Variants in BTBD19 observed in about 807,000 individuals in gnomAD.
BTBD19 encodes BTB domain containing 19, also known as BTB/POZ domain-containing protein 19.
BTBD19 carries 20 observed loss-of-function variants against 36.1 expected under a neutral mutation model. The ratio of observed to expected loss-of-function variants is 0.55; its 90% confidence interval spans 0.39 to 0.80. The LOEUF (loss-of-function observed/expected upper bound fraction) is 0.80. Ranked by LOEUF, BTBD19 falls within the 30% of genes least tolerant of loss-of-function variation. The pLI is 0.00. For synonymous variants in BTBD19, 157 were observed against 174.3 expected, an observed-to-expected ratio of 0.90 and a Z score of 0.78; for missense variants, 325 against 389.8, an observed-to-expected ratio of 0.83 and a Z score of 1.40.
Position 44,813,704 on chromosome 1 carries a change from C to G in BTBD19, c.808C>G (p.Pro270Ala), listed in dbSNP as rs1233523662. Residue 270 changes from proline to alanine, a missense_variant, in exon 8 of 8, where the codon CCG becomes GCG. Pro to Ala is a conservative substitution (Grantham distance 27). Transcript: ENST00000450269. The surrounding 1 kb of genome is among the most constrained non-coding windows in gnomAD (Gnocchi z 7.8). The stretch of plus-strand genomic sequence containing the variant: ...GAGAGGGGATGAGGCCCGGGGCGCC[C>G]CGTGTCGCCGCCGGAGAGGCACCCT... 7 of 1,551,322 alleles carry G rather than the reference C, an allele frequency of 4.5e-6. No homozygotes were observed. The highest frequency in any genetic ancestry group is 5.2e-6 in the Non-Finnish European group (6 of 1,146,858).
chr1:44,814,158 CTTTCTTT>C, downstream of BTBD19: 1 of 121,602 alleles, frequency 8.2e-6, no homozygotes, highest in Non-Finnish European at 1.6e-5. Context: ...CTCTTTCTTT[CTTTCTTT>C]CTTTCTTTCT....
At position 44,813,060 on chromosome 1, in the gene BTBD19, G is replaced by A; in HGVS notation, c.479G>A (p.Ser160Asn). 1.3e-6 allele frequency: 2 copies of A among 1,551,270 alleles called. No homozygotes were observed. Among genetic ancestry groups the A allele is most frequent in the Non-Finnish European group, 1.7e-6 (2 of 1,146,682 alleles). The change falls in exon 5 of 8, where the codon AGC (serine) becomes AAC (asparagine). Residue 160 changes from serine to asparagine, a missense_variant. By Grantham distance (46) the Ser-to-Asn change is conservative. Transcript: ENST00000450269. The surrounding 1 kb of genome is among the most constrained non-coding windows in gnomAD (Gnocchi z 7.8). ...TGCGTGGCTTTCATAGAGGCCCACA[G>A]CCAGGTACTGCTCCCTTCATACTCC...
chr1:44,808,931 G>GT, intron 1 of BTBD19, 25 bp downstream of exon 1: 1 of 1,511,606 alleles, frequency 6.6e-7, no homozygotes, highest in African/African-American at 1.4e-5. Flanking sequence ...CTGCCTGCGG[G>GT]TTTTTCTTAG....
At chr1:44,812,501 C>A (rs1652465206) in intron 4 of BTBD19, 2 of 453,208 alleles carry the variant, frequency 4.4e-6, no homozygotes, top group Admixed American at 4.7e-5. Flanking sequence ...GTCAGGAGAT[C>A]GAGACCATCC....
chr1:44,810,136 A>C lies in BTBD19; in HGVS notation c.87-77A>C, dbSNP rs560715225. The C allele has an allele frequency of 1.6e-5, 21 of 1,290,614 alleles. No individual in the cohort carries two copies. In the African/African-American group the frequency reaches 2.9e-4, roughly 18 times the overall value. The allele number at this position is 1,290,614 out of a possible 1,614,324, so 79.9% of individuals were successfully genotyped here. On this transcript the variant is annotated intron_variant, in intron 1 of 7. Coordinates refer to ENST00000450269, the Ensembl canonical transcript of BTBD19. The surrounding 1 kb of genome is among the most constrained non-coding windows in gnomAD (Gnocchi z 4.2). The stretch of plus-strand genomic sequence containing the variant: ...TTCTGGTTAGGAAACTAAGACCCAG[A>C]GTGGGCAAAGGCACAGCCCAAGTTG...
At position 44,813,305 on chromosome 1, in the gene BTBD19, G is replaced by A; in HGVS notation, c.615+36G>A. 5.9e-6 allele frequency: 9 copies of A among 1,538,164 alleles called. No homozygotes were observed. The highest frequency in any genetic ancestry group is 7.9e-6 in the Non-Finnish European group (9 of 1,145,378). ...CTGGGGGAGCGCAAGGGCACGGAAGGAGGTGCTGGCCACGAGACTGGTGAG... is the reference window on the plus strand; with the variant it reads ...CTGGGGGAGCGCAAGGGCACGGAAGAAGGTGCTGGCCACGAGACTGGTGAG... On this transcript the variant is annotated intron_variant, in intron 6 of 7. Coordinates refer to ENST00000450269, the Ensembl canonical transcript of BTBD19. The surrounding 1 kb of genome is among the most constrained non-coding windows in gnomAD (Gnocchi z 7.8).
chr1:44,812,866 T>C (rs1652488851), intron 4 of BTBD19, 130 bp from the exon 5 acceptor site: 2 of 714,088 alleles, frequency 2.8e-6, no homozygotes, highest in Non-Finnish European at 4.5e-6. Flanking sequence ...TCTAGTTTCC[T>C]GGAGGGCTGA....
In BTBD19 at chr1:44,813,783, G is replaced by A. The variant is rs762061356; in HGVS notation, c.*11G>A. 23 of 1,551,256 alleles carry A rather than the reference G, an allele frequency of 1.5e-5. No individual in the cohort carries two copies. Among genetic ancestry groups the A allele is most frequent in the Non-Finnish European group, 2.0e-5 (23 of 1,146,810 alleles). ...CTGTCCTTCAAATGATCCAACGCCG[G>A]GACTCGCAGGGAGCCCTCGACCCGC... On this transcript the variant is annotated 3_prime_UTR_variant, in exon 8 of 8. Coordinates refer to ENST00000450269, the Ensembl canonical transcript of BTBD19. The surrounding 1 kb of genome is among the most constrained non-coding windows in gnomAD (Gnocchi z 7.8).
At chr1:44,811,255 A>AAGC (rs974197321) in intron 3 of BTBD19, among the ~76,000 whole-genome samples, 3 of 150,784 alleles carry the variant, frequency 2.0e-5, no homozygotes, top group Non-Finnish European at 4.4e-5. Flanking sequence ...TGTGATAGAG[A>AAGC]AGCGTGAATG....
chr1:44,812,300 G>A (rs1032409905), intron 4 of BTBD19, among the ~76,000 whole-genome samples: 1 of 152,138 alleles, frequency 6.6e-6, no homozygotes, highest in Admixed American at 6.5e-5. Context: ...AGGGTCAGGT[G>A]CAGGAGCAGG....
Position 44,810,100 on chromosome 1 carries a change from T to C in BTBD19, c.87-113T>C. The C allele has an allele frequency of 2.1e-6, 2 of 952,768 alleles. No individual in the cohort carries two copies. The highest frequency in any genetic ancestry group is 3.2e-6 in the Non-Finnish European group (2 of 626,734). 59.0% of individuals were successfully genotyped at this position (952,768 alleles called of 1,614,324 possible). ...ACCTTCTGCTGGAGGGACGAAGCCCTGTCTCTTACATTCTGGTTAGGAAAC... is the reference window on the plus strand; with the variant it reads ...ACCTTCTGCTGGAGGGACGAAGCCCCGTCTCTTACATTCTGGTTAGGAAAC... On this transcript the variant is annotated intron_variant, in intron 1 of 7. Coordinates refer to ENST00000450269, the Ensembl canonical transcript of BTBD19. This position sits in a 1 kb window ranked among gnomAD's most constrained non-coding sequence, Gnocchi z 4.2.
At chr1:44,808,530 CT>C in exon 1 of BTBD19, 1 of 298,816 alleles carries the variant, frequency 3.3e-6, no homozygotes, top group Non-Finnish European at 6.2e-6. Context: ...GCCAGGGCCT[CT>C]TTCGCCGCCG....
At chr1:44,811,176 G>C (rs1217090074) in intron 3 of BTBD19, among the ~76,000 whole-genome samples, 1 of 149,740 alleles carries the variant, frequency 6.7e-6, no homozygotes, top group African/African-American at 2.5e-5. Context: ...AGCTGAAATC[G>C]TGCCACTGCA....
chr1:44,813,932 G>C lies in BTBD19; in HGVS notation c.*160G>C. ...CGTTGTCTGCCACGCGCAGCCCCTT[G>C]TGCGGGATCAAGCCCGTGTGGGCGA... On this transcript the variant is annotated 3_prime_UTR_variant, in exon 8 of 8. Transcript: ENST00000450269. This position sits in a 1 kb window ranked among gnomAD's most constrained non-coding sequence, Gnocchi z 7.8. 7 of 1,232,266 alleles carry C rather than the reference G, an allele frequency of 5.7e-6. No homozygotes were observed. Among genetic ancestry groups the C allele is most frequent in the Non-Finnish European group, 7.9e-6 (7 of 885,218 alleles). The allele number at this position is 1,232,266 out of a possible 1,614,324, so 76.3% of individuals were successfully genotyped here. A position where few individuals can be genotyped will look rare whatever the true frequency, so the allele number is the denominator to read the frequency against.
chr1:44,813,170 G>T lies in BTBD19; in HGVS notation c.516G>T (p.Leu172=). 1 of 1,547,816 alleles carries T rather than the reference G, an allele frequency of 6.5e-7. No individual in the cohort carries two copies. Among genetic ancestry groups the T allele is most frequent in the Non-Finnish European group, 8.7e-7 (1 of 1,144,968 alleles). ...TCCGGACCCGAGGCTTCCTGGAGCT[G>T]TCGGCGGCCGCGCTGCTGCCCCTGC... The change falls in exon 6 of 8, where the codon CTG becomes CTT. Residue 172 remains leucine (L), a synonymous_variant. Transcript: ENST00000450269. This position sits in a 1 kb window ranked among gnomAD's most constrained non-coding sequence, Gnocchi z 7.8.
Position 44,810,277 on chromosome 1 carries a change from T to C in BTBD19, c.151T>C (p.Cys51Arg). 1.3e-6 allele frequency: 2 copies of C among 1,551,884 alleles called. No individual in the cohort carries two copies. Among genetic ancestry groups the C allele is most frequent in the Non-Finnish European group, 8.7e-7 (1 of 1,147,018 alleles). Reference sequence around the variant, plus strand: ...ATTTGCCCATCGGTGCTTGTTGGCCTGTAGATGCAACTTCTTCCAGCGACT... The same window carrying C: ...ATTTGCCCATCGGTGCTTGTTGGCCCGTAGATGCAACTTCTTCCAGCGACT... Residue 51 changes from cysteine to arginine, a missense_variant, in exon 2 of 8, where the codon TGT becomes CGT. By Grantham distance (180) the Cys-to-Arg change is radical. Transcript: ENST00000450269. The surrounding 1 kb of genome is among the most constrained non-coding windows in gnomAD (Gnocchi z 4.2).
In BTBD19 at chr1:44,810,520, C is replaced by G; in HGVS notation, c.301-34C>G. On this transcript the variant is annotated intron_variant, in intron 2 of 7. Coordinates refer to ENST00000450269, the Ensembl canonical transcript of BTBD19. The surrounding 1 kb of genome is among the most constrained non-coding windows in gnomAD (Gnocchi z 4.2). The stretch of plus-strand genomic sequence containing the variant: ...CACTGTGGGCACAGGGCAGGGGAAA[C>G]TCCCTTCCACTCCCCCAACCACCCA... 1 of 1,550,608 alleles carries G rather than the reference C, an allele frequency of 6.4e-7. No individual in the cohort carries two copies. Among genetic ancestry groups the G allele is most frequent in the Non-Finnish European group, 8.7e-7 (1 of 1,146,802 alleles).
At chr1:44,808,741 C>T in exon 1 of BTBD19, 1 of 1,024,518 alleles carries the variant, frequency 9.8e-7, no homozygotes, top group South Asian at 1.7e-5. Context: ...TTCTCCCTCT[C>T]AGGCCTTGCT....
Position 44,813,621 on chromosome 1 carries a change from C to T in BTBD19, c.742-17C>T. 2 of 1,546,292 alleles carry T rather than the reference C, an allele frequency of 1.3e-6. No homozygotes were observed. Among genetic ancestry groups the T allele is most frequent in the South Asian group, 2.4e-5 (2 of 83,840 alleles). On this transcript the variant is annotated splice_polypyrimidine_tract_variant and intron_variant, in intron 7 of 7. Coordinates refer to ENST00000450269, the Ensembl canonical transcript of BTBD19. This position sits in a 1 kb window ranked among gnomAD's most constrained non-coding sequence, Gnocchi z 7.8. Reference sequence around the variant, plus strand: ...GGGCCACCGCGGGACTGCGCACTAACTGGCCTTGCTCTGCAGGTGGAGCAG... The same window carrying T: ...GGGCCACCGCGGGACTGCGCACTAATTGGCCTTGCTCTGCAGGTGGAGCAG...
Sources: allele counts gnomAD v4.1 joint callset (sites outside exome capture counted in the v4.1 genomes callset), GRCh38; gene constraint gnomAD v4.1.1; non-coding constraint Gnocchi (gnomAD v3.1); transcripts MANE v1.5; gene names NCBI Gene and HGNC (gene_info 2026-07-23, HGNC 2026-07-21).